IARS1: variants seen among roughly 807,000 people sequenced by gnomAD.
The protein encoded by IARS1 is isoleucyl-tRNA synthetase 1, also known as isoleucine--tRNA ligase, cytoplasmic.
IARS1 carries 124 observed loss-of-function variants against 168.2 expected under a neutral mutation model. The ratio of observed to expected loss-of-function variants is 0.74; its 90% CI spans 0.64 to 0.86. The LOEUF (loss-of-function observed/expected upper bound fraction) is 0.86, where lower values mean the gene tolerates loss of function less well. Ranked by LOEUF, IARS1 falls within the 40% of genes least tolerant of loss-of-function variation. The pLI is 0.00. For synonymous variants in IARS1, 532 were observed against 529.4 expected, an observed-to-expected ratio of 1.00 and a Z score of -0.07; for missense variants, 1,452 against 1,515.8, an observed-to-expected ratio of 0.96 and a Z score of 0.70.
intron 31 of IARS1, among the ~76,000 whole-genome samples, chr9:92,227,595 C>T (rs1168850093): frequency 2.6e-4 from 39 of 149,406 alleles, no homozygotes; most frequent in Non-Finnish European, 2.8e-4. Context: ...GGCTGCCGGG[C>T]GGAGGGGCTC....
At chr9:92,259,077 C>T (rs1388973304) in intron 18 of IARS1, 79 bp from the exon 19 acceptor site, 3 of 1,274,764 alleles carry the variant, frequency 2.4e-6, no homozygotes, top group East Asian at 2.5e-5. Flanking sequence ...ATTGAGAGAG[C>T]AAGATGAAAA....
Position 92,287,823 on chromosome 9 carries a change from C to G in IARS1, c.364G>C (p.Ala122Pro). ...TCAGCAGAATATCTCATCACAATTG[C>G]TCGGCACTGATTGTTATACTCTGTA... is the stretch of plus-strand genomic sequence containing the variant. ...GITEYNNQCR[A>P]IVMRYSAEWK... Residue 122 changes from alanine to proline, a missense_variant, in exon 4 of 34, where the codon GCA (alanine) becomes CCA (proline). Physicochemically the swap from Ala to Pro is conservative, Grantham distance 27. Coordinates refer to ENST00000443024, the MANE Select transcript of IARS1 (RefSeq NM_002161.6). 1 of 1,613,836 alleles carries G rather than the reference C, an allele frequency of 6.2e-7. No individual in the cohort carries two copies. Among genetic ancestry groups the G allele is most frequent in the East Asian group, 2.2e-5 (1 of 44,862 alleles).
At chr9:92,250,640 T>C in intron 23 of IARS1, 73 bp downstream of exon 23, 1 of 1,442,580 alleles carries the variant, frequency 6.9e-7, no homozygotes, top group South Asian at 1.4e-5. Context: ...GGGAAATCCC[T>C]CCTCTTCCCC....
At position 92,223,385 on chromosome 9, in the gene IARS1, G is replaced by GA; in HGVS notation, c.3513dup (p.Gln1172SerfsTer26). The GA allele has an allele frequency of 6.2e-7, 1 of 1,613,874 alleles. No individual in the cohort carries two copies. Among genetic ancestry groups the GA allele is most frequent in the South Asian group, 1.1e-5 (1 of 91,030 alleles). ...TTCAGGAGCTGTAGGTTGATATACT[G>GA]ACAAAGAAGAGTACTAGAACTGTTG... On this transcript the variant is annotated frameshift_variant, in exon 32 of 34. Transcript: ENST00000443024. LOFTEE classifies it high-confidence loss of function.
At position 92,240,900 on chromosome 9, in the gene IARS1, C is replaced by A; in HGVS notation, c.3239G>T (p.Cys1080Phe). 6.2e-7 allele frequency: 1 copy of A among 1,613,588 alleles called. No individual in the cohort carries two copies. The highest frequency in any genetic ancestry group is 8.5e-7 in the Non-Finnish European group (1 of 1,179,614). Residue 1080 changes from cysteine to phenylalanine, a missense_variant, in exon 30 of 34, where the codon TGT becomes TTT. Coordinates refer to ENST00000443024, the MANE Select transcript of IARS1 (RefSeq NM_002161.6). ...TRGSSLPGPA[C>F]AYVNLNICAN... is the part of the protein sequence containing the mutation. ...ACAAATGTTAAGATTGACATATGCA[C>A]AAGCAGGACCAGGAAGGGAAGATCC...
At chr9:92,222,473 TCTA>T in intron 33 of IARS1, 44 bp downstream of exon 33, 1 of 1,562,910 alleles carries the variant, frequency 6.4e-7, no homozygotes, top group Non-Finnish European at 8.7e-7. Context: ...GGCATCAAAA[TCTA>T]CTTTCAACAA....
At chr9:92,288,902 A>C (rs534978151) in intron 2 of IARS1, among the ~76,000 whole-genome samples, 2 of 152,292 alleles carry the variant, frequency 1.3e-5, no homozygotes, top group East Asian at 3.9e-4. Flanking sequence ...GGGAATAGAA[A>C]GATTAATAAA....
rs574241906 is a variant in IARS1, at chr9:92,211,600, C to T, written c.3707-711G>A. The stretch of plus-strand genomic sequence containing the variant: ...TAGATATCGGGCAGACTCCTGGAGC[C>T]TTCTGGAGGACTATGCCATCACTTC... On this transcript the variant is annotated intron_variant, in intron 33 of 33. Coordinates refer to ENST00000443024, the MANE Select transcript of IARS1 (RefSeq NM_002161.6). Among the ~76,000 whole-genome samples the T allele has an allele frequency of 6.6e-5, 10 of 152,236 alleles. No homozygotes were observed. The South Asian group carries it at 2.1e-3, about 32-fold the overall frequency.
Position 92,222,530 on chromosome 9 carries a change from G to A in IARS1, c.3696C>T (p.Thr1232=). Residue 1232 remains threonine, a synonymous_variant, in exon 33 of 34, where the codon ACC becomes ACT. Transcript: ENST00000443024. ...CCACAATCTCCTTACCCTGCGTTTG[G>A]GTCTCATTCAGAAACAGCTTTAGCT... ...SRKLKLFLNE[T]QTQEITEDIP... The A allele has an allele frequency of 6.2e-7, 1 of 1,613,630 alleles. No individual in the cohort carries two copies. The highest frequency in any genetic ancestry group is 8.5e-7 in the Non-Finnish European group (1 of 1,179,878).
Position 92,237,130 on chromosome 9 carries a change from G to A in IARS1, c.3283+3726C>T, listed in dbSNP as rs145069920. Reference sequence around the variant, plus strand: ...GCCTTTTTTTCCTATCTAGTTTCTTGAGTTTAGACCTTAGGTTATGACTTG... The same window carrying A: ...GCCTTTTTTTCCTATCTAGTTTCTTAAGTTTAGACCTTAGGTTATGACTTG... On this transcript the variant is annotated intron_variant, in intron 30 of 33. Transcript: ENST00000443024. Among the ~76,000 whole-genome samples the A allele has an allele frequency of 2.2e-3, 336 of 151,724 alleles. 4 individuals carry two copies. The highest frequency in any genetic ancestry group is 7.6e-3 in the African/African-American group (313 of 41,376).
At position 92,265,510 on chromosome 9, in the gene IARS1, C is replaced by T. The variant is rs747555444; in HGVS notation, c.1475G>A (p.Gly492Glu). 1.8e-5 allele frequency: 29 copies of T among 1,613,400 alleles called. No individual in the cohort carries two copies. The highest frequency in any genetic ancestry group is 4.4e-5 in the South Asian group (4 of 91,068). The change falls in exon 15 of 34, where the codon GGA becomes GAA. Residue 492 changes from glycine (G) to glutamate (E), a missense_variant. Transcript: ENST00000443024. ...GSVAELEELS[G>E]AKISDLHRES... ...TCTGTGGAGATCTGAGATCTTTGCT[C>T]CTGACAGTTCTTCAAGTTCCGCCAC... is the stretch of plus-strand genomic sequence containing the variant.
intron 17 of IARS1, among the ~76,000 whole-genome samples, chr9:92,260,640 G>T (rs1831393659): frequency 6.6e-6 from 1 of 152,148 alleles, no homozygotes; most frequent in Non-Finnish European, 1.5e-5. Context: ...GGGCAGCAGA[G>T]CAAGACTCTG....
intron 31 of IARS1, among the ~76,000 whole-genome samples, chr9:92,224,134 C>T (rs1186282685): frequency 1.3e-5 from 2 of 152,218 alleles, no homozygotes; most frequent in East Asian, 3.8e-4. Context: ...TCTCTTCTCT[C>T]AACCACAGGT....
Position 92,285,706 on chromosome 9 carries a change from T to C in IARS1, c.597+16A>G, listed in dbSNP as rs775065606. The C allele has an allele frequency of 4.8e-6, 7 of 1,467,554 alleles. No homozygotes were observed. Among genetic ancestry groups the C allele is most frequent in the Non-Finnish European group, 4.8e-6 (5 of 1,046,292 alleles). 90.9% of individuals were successfully genotyped at this position (1,467,554 alleles called of 1,614,324 possible). A position where few individuals can be genotyped will look rare whatever the true frequency, so the allele number is the denominator to read the frequency against. ...ACAAAACTCAATGCTGAATAATGTC[T>C]CTACATTTCACGTACCTTATAATTC... On this transcript the variant is annotated intron_variant, in intron 6 of 33. Coordinates refer to ENST00000443024, the MANE Select transcript of IARS1 (RefSeq NM_002161.6).
chr9:92,229,972 C>T (rs1826402445), intron 30 of IARS1, among the ~76,000 whole-genome samples: 1 of 151,762 alleles, frequency 6.6e-6, no homozygotes, highest in Non-Finnish European at 1.5e-5. Flanking sequence ...TACCCAATTC[C>T]CTCCCAGGCC....
In IARS1 at chr9:92,242,347, A is replaced by C; in HGVS notation, c.3001-17T>G. On this transcript the variant is annotated splice_polypyrimidine_tract_variant and intron_variant, in intron 28 of 33. Transcript: ENST00000443024. ...CAGATTGCACTGAAAACACACACAG[A>C]AAAATTTAAAAGGGAAGTACATTCT... is the stretch of plus-strand genomic sequence containing the variant. 4.4e-6 allele frequency: 7 copies of C among 1,599,190 alleles called. No individual in the cohort carries two copies. The highest frequency in any genetic ancestry group is 6.0e-6 in the Non-Finnish European group (7 of 1,172,322).
chr9:92,250,561 C>T (rs1202250519), intron 23 of IARS1, 152 bp downstream of exon 23: 9 of 847,498 alleles, frequency 1.1e-5, no homozygotes, highest in Non-Finnish European at 1.4e-5. Flanking sequence ...CCAAAGTGGG[C>T]CCCATCCTGC....
chr9:92,269,762 AGAT>A, intron 13 of IARS1, 120 bp downstream of exon 13: 1 of 621,294 alleles, frequency 1.6e-6, no homozygotes, highest in South Asian at 2.0e-5. Context: ...ACAGAAGAAA[AGAT>A]AGCTATTACA....
chr9:92,220,513 A>T (rs1175923), intron 33 of IARS1, among the ~76,000 whole-genome samples: 17,113 of 152,190 alleles, frequency 0.11, 1,103 homozygotes, highest in South Asian at 0.22. Context: ...GCTACTCGGG[A>T]GGCTGAGGCA....
Sources: gnomAD v4.1 joint callset for allele counts (sites outside exome capture counted in the v4.1 genomes callset) on GRCh38, gnomAD v4.1.1 for gene constraint, MANE v1.5 for transcripts, NCBI Gene and HGNC (gene_info 2026-07-23, HGNC 2026-07-21) for gene names.